Variants in ANO5 observed in about 807,000 individuals in gnomAD.
The protein encoded by ANO5 is anoctamin-5.
Under a neutral mutation model 121.0 loss-of-function variants are expected in ANO5, and 109 were observed. The observed-to-expected ratio is 0.90, with a 90% CI of 0.77 to 1.06. ANO5 has a LOEUF of 1.06. ANO5 is among the 50% of genes least tolerant of loss of function. The pLI is 0.00. For missense variants in ANO5, 1,064 were observed against 1,078.5 expected (o/e 0.99, Z 0.19); for synonymous variants, 406 against 359.9 (o/e 1.13, Z -1.45).
At chr11:22,234,554 T>A (rs1853151305) in intron 7 of ANO5, among the ~76,000 whole-genome samples, 1 of 152,174 alleles carries the variant, frequency 6.6e-6, no homozygotes, top group South Asian at 2.1e-4. Context: ...GGACATGTTA[T>A]AACAAGTTAG....
At chr11:22,210,562 T>G (rs1225140332) in intron 2 of ANO5, among the ~76,000 whole-genome samples, 1 of 152,048 alleles carries the variant, frequency 6.6e-6, no homozygotes, top group South Asian at 2.1e-4. Flanking sequence ...TAGTATTATA[T>G]TGTACCTGTC....
intron 8 of ANO5, among the ~76,000 whole-genome samples, chr11:22,237,424 T>A (rs1853259454): frequency 6.6e-6 from 1 of 152,138 alleles, no homozygotes; most frequent in African/African-American, 2.4e-5. Context: ...GGCGTCTTGC[T>A]GTGTCCCCCA....
intron 5 of ANO5, among the ~76,000 whole-genome samples, chr11:22,224,431 A>G (rs1347919874): frequency 6.6e-6 from 1 of 152,124 alleles, no homozygotes; most frequent in Non-Finnish European, 1.5e-5. Flanking sequence ...TATGAATTTA[A>G]AACAAGTTCA....
chr11:22,208,383 G>T (rs1433534393), intron 2 of ANO5, among the ~76,000 whole-genome samples: 1 of 151,858 alleles, frequency 6.6e-6, no homozygotes, highest in Non-Finnish European at 1.5e-5. Context: ...ACACAACTTG[G>T]ATAGATCTCC....
At chr11:22,240,626 A>C (rs1280790547) in intron 9 of ANO5, among the ~76,000 whole-genome samples, 2 of 152,098 alleles carry the variant, frequency 1.3e-5, no homozygotes, top group Non-Finnish European at 2.9e-5. Flanking sequence ...TTTGAATAAT[A>C]ATCATTTAAT....
intron 1 of ANO5, among the ~76,000 whole-genome samples, chr11:22,195,606 T>C (rs955188860): frequency 4.6e-5 from 7 of 151,914 alleles, no homozygotes; most frequent in African/African-American, 1.7e-4. Context: ...TAATTATTAT[T>C]TTTTTTATGA....
chr11:22,221,806 C>T (rs924405815), intron 5 of ANO5, among the ~76,000 whole-genome samples: 4 of 151,884 alleles, frequency 2.6e-5, no homozygotes, highest in Non-Finnish European at 5.9e-5. Flanking sequence ...ATAAATTAAT[C>T]CATTTTTATA....
intron 1 of ANO5, among the ~76,000 whole-genome samples, chr11:22,202,706 G>A (rs1047082063): frequency 1.5e-4 from 23 of 152,074 alleles, no homozygotes; most frequent in African/African-American, 5.6e-4. Context: ...TAAGAGCTCT[G>A]CACCATGAGC....
At chr11:22,220,773 G>C (rs553285644) in intron 4 of ANO5, among the ~76,000 whole-genome samples, 8 of 151,960 alleles carry the variant, frequency 5.3e-5, no homozygotes, top group Non-Finnish European at 8.8e-5. Flanking sequence ...AGTGGACTAA[G>C]TGATATCTTG....
intron 6 of ANO5, 36 bp from the exon 7 acceptor site, chr11:22,227,265 GT>G (rs775612735): frequency 5.0e-6 from 8 of 1,608,674 alleles, no homozygotes; most frequent in Non-Finnish European, 5.9e-6. Flanking sequence ...AAACTGATCA[GT>G]AAGCTTTCTG....
intron 16 of ANO5, 76 bp downstream of exon 16, chr11:22,262,374 G>T (rs770744491): frequency 1.3e-6 from 2 of 1,494,810 alleles, no homozygotes; most frequent in Non-Finnish European, 1.8e-6. Flanking sequence ...GTCAAGCACT[G>T]ATTCACATGC....
intron 8 of ANO5, 35 bp from the exon 9 acceptor site, chr11:22,239,534 C>T (rs769638576): frequency 6.1e-6 from 9 of 1,468,370 alleles, no homozygotes; most frequent in Admixed American, 1.7e-5. Flanking sequence ...TCTTTTGCTT[C>T]GTCTTTTATG....
intron 7 of ANO5, among the ~76,000 whole-genome samples, chr11:22,229,167 C>T (rs1852951125): frequency 6.6e-6 from 1 of 151,978 alleles, no homozygotes; most frequent in South Asian, 2.1e-4. Context: ...AACACTTTCT[C>T]TAGGTACTCT....
At position 22,225,228 on chromosome 11, in the gene ANO5, C is replaced by T. The variant is rs1025880293; in HGVS notation, c.295-756C>T. ...ATCCCAGTGCTTTGGCAGGCTAAGGCGGGAGGATGAGTTGAGGCCAGGAGT... is the reference window on the plus strand; with the variant it reads ...ATCCCAGTGCTTTGGCAGGCTAAGGTGGGAGGATGAGTTGAGGCCAGGAGT... On this transcript the variant is annotated intron_variant, in intron 5 of 21. Coordinates refer to ENST00000324559, the MANE Select transcript of ANO5 (RefSeq NM_213599.3). 7.2e-5 allele frequency among the ~76,000 whole-genome samples: 11 copies of T among 151,936 alleles called. No homozygotes were observed. The South Asian group carries it at 8.3e-4, about 12-fold the overall frequency.
chr11:22,203,111 C>A (rs1852011720), intron 1 of ANO5, among the ~76,000 whole-genome samples: 1 of 152,072 alleles, frequency 6.6e-6, no homozygotes, highest in South Asian at 2.1e-4. Context: ...ATTATGGTCA[C>A]TAACTTGAAC....
chr11:22,238,114 A>G (rs191423613), intron 8 of ANO5, among the ~76,000 whole-genome samples: 4 of 152,244 alleles, frequency 2.6e-5, no homozygotes, highest in Non-Finnish European at 5.9e-5. Flanking sequence ...GCAGATACAG[A>G]GGGCCCACTG....
intron 14 of ANO5, among the ~76,000 whole-genome samples, chr11:22,258,899 C>A (rs1194691623): frequency 1.2e-4 from 18 of 152,022 alleles, no homozygotes; most frequent in Non-Finnish European, 5.9e-5. Flanking sequence ...TTTGGGAGGC[C>A]AAGGTAGGCA....
At position 22,249,166 on chromosome 11, in the gene ANO5, G is replaced by A. The variant is rs370680587; in HGVS notation, c.879-1071G>A. On this transcript the variant is annotated intron_variant, in intron 9 of 21. Coordinates refer to ENST00000324559, the MANE Select transcript of ANO5 (RefSeq NM_213599.3). Reference sequence around the variant, plus strand: ...TCACTGAAAAGAATGAAAAAAGACAGGATAAACAGAAAGATGCCTATTAAT... The same window carrying A: ...TCACTGAAAAGAATGAAAAAAGACAAGATAAACAGAAAGATGCCTATTAAT... 2.6e-5 allele frequency among the ~76,000 whole-genome samples: 4 copies of A among 151,920 alleles called. No individual in the cohort carries two copies. In the South Asian group the frequency reaches 8.3e-4, roughly 32 times the overall value.
At chr11:22,208,156 A>C (rs2133539664) in intron 2 of ANO5, among the ~76,000 whole-genome samples, 1 of 152,154 alleles carries the variant, frequency 6.6e-6, no homozygotes, top group Non-Finnish European at 1.5e-5. Flanking sequence ...TTTTCATGTA[A>C]GTTGGGTAAT....
Sources: allele counts gnomAD v4.1 joint callset (sites outside exome capture counted in the v4.1 genomes callset), GRCh38; gene constraint gnomAD v4.1.1; transcripts MANE v1.5; gene names NCBI Gene and HGNC (gene_info 2026-07-23, HGNC 2026-07-21).